The following CDYL2 variants were observed in gnomAD, a reference collection of about 807,000 sequenced individuals.
The protein encoded by CDYL2 is chromodomain Y like 2.
Under a neutral mutation model 49.4 loss-of-function variants are expected in CDYL2, and 23 were observed. The ratio of observed to expected loss-of-function variants is 0.47; its 90% CI spans 0.34 to 0.66. The LOEUF (loss-of-function observed/expected upper bound fraction) is 0.66, where lower values mean the gene tolerates loss of function less well. Among genes scored for constraint, CDYL2 ranks in the 30% least tolerant of loss-of-function variants. CDYL2 has a pLI of 0.01. For synonymous variants in CDYL2, 360 were observed against 268.8 expected (o/e 1.34, Z -3.32); for missense variants, 678 against 656.4 (o/e 1.03, Z -0.36).
intron 1 of CDYL2, among the ~76,000 whole-genome samples, chr16:80,747,703 C>G (rs955722776): frequency 6.6e-6 from 1 of 152,108 alleles, no homozygotes; most frequent in African/African-American, 2.4e-5. Flanking sequence ...ACAGCCACAA[C>G]CAAAAGCTAT....
chr16:80,724,868 A>G (rs770369816), intron 1 of CDYL2, among the ~76,000 whole-genome samples: 8 of 152,262 alleles, frequency 5.3e-5, no homozygotes, highest in Admixed American at 2.0e-4. Context: ...CCCATGGCCA[A>G]TGTGCTCTTC....
At position 80,604,312 on chromosome 16, in the gene CDYL2, C is replaced by T. The variant is rs1906231029; in HGVS notation, c.*76G>A. On this transcript the variant is annotated 3_prime_UTR_variant, in exon 7 of 7. Transcript: ENST00000570137. The stretch of plus-strand genomic sequence containing the variant: ...AGAGACACCTTGACAAACTCCTTGG[C>T]CGGGGCAGACACTGTGCTCTGGTTT... 2.0e-6 allele frequency: 3 copies of T among 1,528,532 alleles called. No homozygotes were observed. The highest frequency in any genetic ancestry group is 2.7e-6 in the Non-Finnish European group (3 of 1,111,618). 94.7% of individuals were successfully genotyped at this position (1,528,532 alleles called of 1,614,324 possible).
intron 2 of CDYL2, among the ~76,000 whole-genome samples, chr16:80,659,522 G>C (rs947921673): frequency 6.6e-6 from 1 of 151,746 alleles, no homozygotes; most frequent in African/African-American, 2.4e-5. Flanking sequence ...AGATATTAAG[G>C]GGTAAGGAGG....
intron 1 of CDYL2, among the ~76,000 whole-genome samples, chr16:80,739,827 C>A (rs111951532): frequency 3.9e-5 from 6 of 152,330 alleles, no homozygotes; most frequent in South Asian, 2.1e-4. Flanking sequence ...AAGCCTCACA[C>A]TGGGGACCTG....
chr16:80,745,210 G>A (rs1440695255), intron 1 of CDYL2, among the ~76,000 whole-genome samples: 5 of 152,142 alleles, frequency 3.3e-5, no homozygotes, highest in Admixed American at 3.3e-4. Context: ...TAGAATGCAG[G>A]GGCCTGAGGG....
intron 1 of CDYL2, among the ~76,000 whole-genome samples, chr16:80,792,844 G>A (rs79341839): frequency 0.02 from 3,084 of 152,132 alleles, 49 homozygotes; most frequent in Non-Finnish European, 0.031. Context: ...TAACTACTCC[G>A]CCCAAGTCTA....
At chr16:80,616,967 A>G (rs1213656167) in intron 4 of CDYL2, among the ~76,000 whole-genome samples, 1 of 152,196 alleles carries the variant, frequency 6.6e-6, no homozygotes, top group Non-Finnish European at 1.5e-5. Flanking sequence ...GGCAGCTTTG[A>G]GCTCAGGCGG....
At chr16:80,774,272 G>C (rs1405932486) in intron 1 of CDYL2, among the ~76,000 whole-genome samples, 1 of 151,882 alleles carries the variant, frequency 6.6e-6, no homozygotes, top group Admixed American at 6.6e-5. Context: ...TGGAACTGGA[G>C]AACATTATGC....
chr16:80,623,701 G>A (rs75118645), intron 3 of CDYL2, among the ~76,000 whole-genome samples: 356 of 152,292 alleles, frequency 2.3e-3, no homozygotes, highest in East Asian at 0.015. Context: ...TCCATTTTAT[G>A]AATGACAAAA....
Position 80,601,838 on chromosome 16 carries a change from C to T in CDYL2, c.*2550G>A, listed in dbSNP as rs565083378. ...TGTGACTTAACAGCAAGATTTCCAC[C>T]TTAGAAATGGTTTCACATTCCTACC... On this transcript the variant is annotated 3_prime_UTR_variant, in exon 7 of 7. Coordinates refer to ENST00000570137, the MANE Select transcript of CDYL2 (RefSeq NM_152342.4). 6.6e-6 allele frequency: 1 copy of T among 152,182 alleles called. No individual in the cohort carries two copies. Among genetic ancestry groups the T allele is most frequent in the African/African-American group, 2.4e-5 (1 of 41,432 alleles). 9.4% of individuals were successfully genotyped at this position (152,182 alleles called of 1,614,324 possible).
Position 80,685,027 on chromosome 16 carries a change from G to A in CDYL2, c.127C>T (p.His43Tyr), listed in dbSNP as rs1910132071. 5 of 1,614,170 alleles carry A rather than the reference G, an allele frequency of 3.1e-6. No homozygotes were observed. Among genetic ancestry groups the A allele is most frequent in the Middle Eastern group, 1.6e-4 (1 of 6,062 alleles). The change falls in exon 2 of 7, where the codon CAC becomes TAC. Residue 43 changes from histidine (H) to tyrosine (Y), a missense_variant. Physicochemically the swap from His to Tyr is moderately conservative, Grantham distance 83. Coordinates refer to ENST00000570137, the MANE Select transcript of CDYL2 (RefSeq NM_152342.4). Reference sequence around the variant, plus strand: ...AACTCCTCACAGTGCAAGAGGTGGTGCTCCGGCTCCCACGTGTCCTCGGTG... The same window carrying A: ...AACTCCTCACAGTGCAAGAGGTGGTACTCCGGCTCCCACGTGTCCTCGGTG... ...GSTEDTWEPE[H>Y]HLLHCEEFID... is the part of the protein sequence containing the mutation.
chr16:80,726,471 G>T (rs1905166516), intron 1 of CDYL2, among the ~76,000 whole-genome samples: 1 of 152,116 alleles, frequency 6.6e-6, no homozygotes, highest in East Asian at 1.9e-4. Context: ...TCTATTTAGA[G>T]CAAGTTTTAA....
rs1213482003 is a variant in CDYL2, at chr16:80,804,369, G to A, written c.-196C>T. 3 of 221,178 alleles carry A rather than the reference G, an allele frequency of 1.4e-5. No individual in the cohort carries two copies. Among genetic ancestry groups the A allele is most frequent in the African/African-American group, 4.8e-5 (2 of 41,894 alleles). The allele number at this position is 221,178 out of a possible 1,614,324, so 13.7% of individuals were successfully genotyped here. A position where few individuals can be genotyped will look rare whatever the true frequency, so the allele number is the denominator to read the frequency against. On this transcript the variant is annotated 5_prime_UTR_variant, in exon 1 of 7. Coordinates refer to ENST00000570137, the MANE Select transcript of CDYL2 (RefSeq NM_152342.4). ...TATGCGCAGAATCAGAGCGGGCGGCGGCGGGGCTGGCGTAACCGGCAGCAG... is the reference window on the plus strand; with the variant it reads ...TATGCGCAGAATCAGAGCGGGCGGCAGCGGGGCTGGCGTAACCGGCAGCAG...
At chr16:80,636,297 G>A (rs1332889006) in intron 2 of CDYL2, among the ~76,000 whole-genome samples, 1 of 152,126 alleles carries the variant, frequency 6.6e-6, no homozygotes, top group East Asian at 1.9e-4. Context: ...GAAAATTTTT[G>A]CTATCTATTC....
At chr16:80,656,569 T>G (rs959628875) in intron 2 of CDYL2, among the ~76,000 whole-genome samples, 6 of 152,308 alleles carry the variant, frequency 3.9e-5, no homozygotes, top group Middle Eastern at 3.4e-3. Context: ...TCATGCTAGT[T>G]TCCTTCCTTC....
chr16:80,674,800 C>T (rs548744092), intron 2 of CDYL2, among the ~76,000 whole-genome samples: 5 of 152,328 alleles, frequency 3.3e-5, no homozygotes, highest in East Asian at 3.9e-4. Context: ...TCTGGGAAGA[C>T]GACATTTTGT....
At chr16:80,648,626 A>T (rs1259299294) in intron 2 of CDYL2, among the ~76,000 whole-genome samples, 1 of 152,130 alleles carries the variant, frequency 6.6e-6, no homozygotes, top group Non-Finnish European at 1.5e-5. Context: ...AGAAGGAGGA[A>T]ATACTTCCAA....
intron 1 of CDYL2, among the ~76,000 whole-genome samples, chr16:80,711,485 G>A (rs989391596): frequency 4.6e-5 from 7 of 152,288 alleles, no homozygotes; most frequent in Non-Finnish European, 1.0e-4. Flanking sequence ...TAATAAAAGA[G>A]TTGACATTTC....
intron 2 of CDYL2, among the ~76,000 whole-genome samples, chr16:80,643,313 G>A (rs1453412639): frequency 6.6e-6 from 1 of 152,202 alleles, no homozygotes; most frequent in Non-Finnish European, 1.5e-5. Flanking sequence ...CACCCCTGTG[G>A]CTTTGCAGGG....
Sources: gnomAD v4.1 joint callset for allele counts (sites outside exome capture counted in the v4.1 genomes callset) on GRCh38, gnomAD v4.1.1 for gene constraint, MANE v1.5 for transcripts, NCBI Gene and HGNC (gene_info 2026-07-23, HGNC 2026-07-21) for gene names.